The following CFAP95 variants were observed in gnomAD, a reference collection of about 807,000 sequenced individuals.
CFAP95 encodes the protein cilia- and flagella-associated protein 95.
At chr9:69,837,120 C>T in the CFAP95 span, among the ~76,000 whole-genome samples, 5 of 151,810 alleles carry the variant, frequency 3.3e-5, no homozygotes, top group Admixed American at 6.6e-5. Context: ...TTTCTTAATC[C>T]AGTCTATCAT....
At chr9:69,872,170 G>A in the CFAP95 span, among the ~76,000 whole-genome samples, 1 of 152,134 alleles carries the variant, frequency 6.6e-6, no homozygotes, top group South Asian at 2.1e-4. Context: ...CTTTTAATGG[G>A]AAAATCTGCA....
chr9:69,856,815 C>T, the CFAP95 span: 1 of 495,534 alleles, frequency 2.0e-6, no homozygotes, highest in Admixed American at 3.6e-5. Flanking sequence ...ATGCTTTCTG[C>T]TCATGCTGTT....
chr9:69,877,136 A>C, the CFAP95 span, among the ~76,000 whole-genome samples: 5 of 152,342 alleles, frequency 3.3e-5, no homozygotes, highest in South Asian at 1.0e-3. Context: ...ATATATGCTT[A>C]TATGTAATAT....
the CFAP95 span, among the ~76,000 whole-genome samples, chr9:69,832,749 G>C: frequency 6.8e-6 from 1 of 146,414 alleles, no homozygotes; most frequent in Non-Finnish European, 1.5e-5. Context: ...AAACGTGCAG[G>C]TTTGTTACAT....
At chr9:69,881,724 G>A in the CFAP95 span, among the ~76,000 whole-genome samples, 1 of 152,162 alleles carries the variant, frequency 6.6e-6, no homozygotes, top group East Asian at 1.9e-4. Flanking sequence ...TTTTGATAGG[G>A]GTTGCATTGA....
chr9:69,840,852 G>A, the CFAP95 span, among the ~76,000 whole-genome samples: 1 of 152,190 alleles, frequency 6.6e-6, no homozygotes, highest in East Asian at 1.9e-4. Flanking sequence ...TGGGCAGCCG[G>A]CAGGCACGAG....
the CFAP95 span, among the ~76,000 whole-genome samples, chr9:69,891,925 C>G: frequency 6.6e-6 from 1 of 152,042 alleles, no homozygotes; most frequent in African/African-American, 2.4e-5. Flanking sequence ...CTTCTATGCC[C>G]TATTTTAAGA....
the CFAP95 span, among the ~76,000 whole-genome samples, chr9:69,839,128 C>T: frequency 1.9e-5 from 1 of 51,312 alleles, no homozygotes; most frequent in Non-Finnish European, 4.0e-5. Context: ...CTGCTGGATT[C>T]GTTTTGCCAG....
At chr9:69,875,624 G>C in the CFAP95 span, among the ~76,000 whole-genome samples, 1,349 of 152,254 alleles carry the variant, frequency 8.9e-3, 21 homozygotes, top group African/African-American at 0.03. Flanking sequence ...TTCTGCTGGG[G>C]TTCCTGATAA....
At chr9:69,830,876 T>C in the CFAP95 span, among the ~76,000 whole-genome samples, 1 of 152,178 alleles carries the variant, frequency 6.6e-6, no homozygotes, top group African/African-American at 2.4e-5. Flanking sequence ...CCCAGGCTGG[T>C]CTTGAACTCC....
At chr9:69,844,483 A>T in the CFAP95 span, 2 of 1,383,084 alleles carry the variant, frequency 1.4e-6, no homozygotes, top group Non-Finnish European at 2.0e-6. Flanking sequence ...TAAATAAACT[A>T]CATCTCTTAA....
the CFAP95 span, among the ~76,000 whole-genome samples, chr9:69,827,179 A>T: frequency 6.6e-6 from 1 of 152,212 alleles, no homozygotes; most frequent in African/African-American, 2.4e-5. Flanking sequence ...GTAGGGACGA[A>T]TGATATTTAC....
the CFAP95 span, among the ~76,000 whole-genome samples, chr9:69,827,518 T>G: frequency 1.3e-5 from 2 of 152,216 alleles, no homozygotes; most frequent in Admixed American, 1.3e-4. Context: ...CTTTGAGTCC[T>G]TCCTCCTCCA....
At chr9:69,871,692 A>G in the CFAP95 span, among the ~76,000 whole-genome samples, 1 of 152,118 alleles carries the variant, frequency 6.6e-6, no homozygotes, top group Non-Finnish European at 1.5e-5. Flanking sequence ...TGATGGGGCC[A>G]TTCACTGAGG....
At chr9:69,840,504 A>G in the CFAP95 span, among the ~76,000 whole-genome samples, 3 of 152,116 alleles carry the variant, frequency 2.0e-5, no homozygotes, top group Non-Finnish European at 4.4e-5. Context: ...TCCTCAGTTT[A>G]TGATTCTCGG....
At chr9:69,891,166 G>T in the CFAP95 span, among the ~76,000 whole-genome samples, 7 of 152,092 alleles carry the variant, frequency 4.6e-5, no homozygotes, top group Non-Finnish European at 8.8e-5. Context: ...CATGGACAAG[G>T]CGTCCATGTA....
chr9:69,879,730 A>G, the CFAP95 span, among the ~76,000 whole-genome samples: 1 of 152,238 alleles, frequency 6.6e-6, no homozygotes, highest in East Asian at 1.9e-4. Context: ...CCAGTCCTTT[A>G]TCCAATTAGA....
the CFAP95 span, chr9:69,902,299 C>T: frequency 2.2e-6 from 1 of 454,366 alleles, no homozygotes; most frequent in Non-Finnish European, 4.4e-6. Context: ...CTTCTCTAAG[C>T]CTTCATAGCA....
chr9:69,840,970 A>G, the CFAP95 span, among the ~76,000 whole-genome samples: 2 of 151,834 alleles, frequency 1.3e-5, no homozygotes, highest in Non-Finnish European at 2.9e-5. Flanking sequence ...ATAGGAAAAA[A>G]GAACATATCT....
Sources: allele counts gnomAD v4.1 joint callset (sites outside exome capture counted in the v4.1 genomes callset), GRCh38; gene constraint gnomAD v4.1.1; transcripts MANE v1.5; gene names NCBI Gene and HGNC (gene_info 2026-07-23, HGNC 2026-07-21).